PTPRD: variants seen among roughly 807,000 people sequenced by gnomAD.
The protein encoded by PTPRD is protein tyrosine phosphatase receptor type D, also known as receptor-type tyrosine-protein phosphatase delta.
Under a neutral mutation model 214.5 loss-of-function variants are expected in PTPRD, and 34 were observed. That is an observed-to-expected ratio of 0.16 (90% CI 0.12 to 0.21). The LOEUF (loss-of-function observed/expected upper bound fraction) is 0.21, where lower values mean the gene tolerates loss of function less well. Among genes scored for constraint, PTPRD ranks in the 10% least tolerant of loss-of-function variants. The probability of loss-of-function intolerance (pLI) is 1.00; values close to 1 mark genes in which losing one functional copy is unlikely to be tolerated. For synonymous variants in PTPRD, 1,128 were observed against 845.7 expected, an observed-to-expected ratio of 1.33 and a Z score of -5.79; for missense variants, 2,545 against 2,398.7, an observed-to-expected ratio of 1.06 and a Z score of -1.27.
At chr9:9,620,934 T>C (rs1447362116) in intron 7 of PTPRD, among the ~76,000 whole-genome samples, 2 of 151,274 alleles carry the variant, frequency 1.3e-5, no homozygotes, top group Admixed American at 6.6e-5. Flanking sequence ...AACGAGGTAA[T>C]AGCCTTTATT....
chr9:9,129,687 A>C (rs2099839602), intron 10 of PTPRD, among the ~76,000 whole-genome samples: 1 of 152,152 alleles, frequency 6.6e-6, no homozygotes. Flanking sequence ...TCTCTGAATC[A>C]ATTGTTTGAG....
intron 10 of PTPRD, among the ~76,000 whole-genome samples, chr9:9,077,671 G>A (rs752856266): frequency 7.9e-5 from 12 of 152,204 alleles, no homozygotes; most frequent in Non-Finnish European, 1.6e-4. Context: ...CTGATTGGGA[G>A]AGCCTTGTGA....
chr9:10,145,713 G>C (rs1426207366), intron 3 of PTPRD, among the ~76,000 whole-genome samples: 2 of 152,062 alleles, frequency 1.3e-5, no homozygotes, highest in Non-Finnish European at 2.9e-5. Flanking sequence ...TCCAGCATGT[G>C]TGTATGTGTA....
At chr9:9,353,437 G>T (rs1465612673) in intron 9 of PTPRD, among the ~76,000 whole-genome samples, 1 of 151,854 alleles carries the variant, frequency 6.6e-6, no homozygotes, top group Non-Finnish European at 1.5e-5. Flanking sequence ...AGCCAGTTTA[G>T]GTTAAATACT....
chr9:9,431,368 C>A (rs1345949348), intron 8 of PTPRD, among the ~76,000 whole-genome samples: 3 of 152,110 alleles, frequency 2.0e-5, no homozygotes, highest in African/African-American at 7.2e-5. Context: ...CATCTCACAC[C>A]AGTTAGAATG....
chr9:9,565,405 T>G (rs910734214), intron 8 of PTPRD, among the ~76,000 whole-genome samples: 1 of 151,878 alleles, frequency 6.6e-6, no homozygotes, highest in Non-Finnish European at 1.5e-5. Context: ...ATGTATTGAA[T>G]GATGTAATCT....
chr9:8,773,555 A>G (rs2095329957), intron 11 of PTPRD, among the ~76,000 whole-genome samples: 1 of 152,164 alleles, frequency 6.6e-6, no homozygotes, highest in Non-Finnish European at 1.5e-5. Context: ...ACAGGAGAAT[A>G]AATTGGTCCC....
At chr9:9,075,810 T>C (rs998394400) in intron 10 of PTPRD, among the ~76,000 whole-genome samples, 1 of 152,216 alleles carries the variant, frequency 6.6e-6, no homozygotes, top group Non-Finnish European at 1.5e-5. Flanking sequence ...CAGTCTTTCA[T>C]TGATGGAAAT....
chr9:8,563,282 T>C (rs2154213548), intron 14 of PTPRD, among the ~76,000 whole-genome samples: 1 of 152,270 alleles, frequency 6.6e-6, no homozygotes, highest in Non-Finnish European at 1.5e-5. Context: ...GTGGTGAAGT[T>C]TCGCAGGTCT....
At chr9:9,996,191 T>A (rs1019951773) in intron 4 of PTPRD, among the ~76,000 whole-genome samples, 1 of 152,176 alleles carries the variant, frequency 6.6e-6, no homozygotes, top group Non-Finnish European at 1.5e-5. Context: ...TATCCTTATA[T>A]TGGTCTGATA....
intron 39 of PTPRD, among the ~76,000 whole-genome samples, chr9:8,349,040 A>T (rs953429084): frequency 5.5e-5 from 4 of 72,108 alleles, no homozygotes; most frequent in African/African-American, 1.4e-4. Flanking sequence ...TCGAGTGACA[A>T]AATTTATAAA....
At position 8,325,606 on chromosome 9, in the gene PTPRD, T is replaced by TC. The variant is rs562786393; in HGVS notation, c.5535-5641dup. On this transcript the variant is annotated intron_variant, in intron 44 of 45. Coordinates refer to ENST00000381196, the MANE Select transcript of PTPRD (RefSeq NM_002839.4). ...CCATGTCAAATTTAAAGTAGTTTTT[T>TC]CCCATTCTGTGAAGAAAGTCATTGG... Among the ~76,000 whole-genome samples, 28 of 150,736 alleles carry TC rather than the reference T, an allele frequency of 1.9e-4. No individual in the cohort carries two copies. In the South Asian group the frequency reaches 5.8e-3, roughly 31 times the overall value.
chr9:9,108,512 C>G (rs2099801835), intron 10 of PTPRD, among the ~76,000 whole-genome samples: 1 of 152,138 alleles, frequency 6.6e-6, no homozygotes, highest in African/African-American at 2.4e-5. Flanking sequence ...GAGGGACTCT[C>G]CAGGTTGACT....
chr9:9,028,001 G>A (rs1418579993), intron 10 of PTPRD, among the ~76,000 whole-genome samples: 2 of 151,936 alleles, frequency 1.3e-5, no homozygotes, highest in South Asian at 4.1e-4. Context: ...AATTCTCTGA[G>A]TGAAATCTCA....
intron 22 of PTPRD, among the ~76,000 whole-genome samples, chr9:8,506,586 C>T (rs945764558): frequency 3.3e-5 from 5 of 152,240 alleles, no homozygotes; most frequent in Admixed American, 6.5e-5. Flanking sequence ...TTTTTCCATG[C>T]CTCCATTTTA....
rs1822204002 is a variant in PTPRD at position 8,316,883 on chromosome 9, C to A, written c.*991G>T. The A allele has an allele frequency of 4.4e-6, 1 of 226,128 alleles. No homozygotes were observed. The highest frequency in any genetic ancestry group is 8.6e-6 in the Non-Finnish European group (1 of 116,210). 14.0% of individuals were successfully genotyped at this position (226,128 alleles called of 1,614,324 possible). A position where few individuals can be genotyped will look rare whatever the true frequency, so the allele number is the denominator to read the frequency against. ...TTTTCTACGTTTAAAAAAACTAAATCATGGAAGAACTGACTGACTGATAAC... is the reference window on the plus strand; with the variant it reads ...TTTTCTACGTTTAAAAAAACTAAATAATGGAAGAACTGACTGACTGATAAC... On this transcript the variant is annotated 3_prime_UTR_variant, in exon 46 of 46. Transcript: ENST00000381196.
intron 5 of PTPRD, among the ~76,000 whole-genome samples, chr9:9,886,135 C>A (rs923679629): frequency 6.6e-6 from 1 of 151,898 alleles, no homozygotes; most frequent in Non-Finnish European, 1.5e-5. Flanking sequence ...AAGAATGATG[C>A]CCAAGGGATA....
At chr9:8,965,329 G>A (rs1467592896) in intron 11 of PTPRD, among the ~76,000 whole-genome samples, 1 of 150,952 alleles carries the variant, frequency 6.6e-6, no homozygotes, top group Non-Finnish European at 1.5e-5. Context: ...GCAGTGAGCT[G>A]AGATCGTGCT....
At chr9:9,076,360 C>G (rs955316633) in intron 10 of PTPRD, among the ~76,000 whole-genome samples, 1 of 151,920 alleles carries the variant, frequency 6.6e-6, no homozygotes, top group African/African-American at 2.4e-5. Flanking sequence ...ACTCTGATGG[C>G]AGTTTCTTTT....
Sources: gnomAD v4.1 joint callset for allele counts (sites outside exome capture counted in the v4.1 genomes callset) on GRCh38, gnomAD v4.1.1 for gene constraint, MANE v1.5 for transcripts, NCBI Gene and HGNC (gene_info 2026-07-23, HGNC 2026-07-21) for gene names.